ZNRF3: variants seen among roughly 807,000 people sequenced by gnomAD.
ZNRF3 encodes zinc and ring finger 3, also known as E3 ubiquitin-protein ligase ZNRF3.
In ZNRF3, 23 loss-of-function variants were observed where a neutral mutation model predicts 72.5. That is an observed-to-expected ratio of 0.32 (90% CI 0.23 to 0.45). ZNRF3 has a LOEUF of 0.45. ZNRF3 is among the 20% of genes least tolerant of loss of function. The pLI, the probability that ZNRF3 is intolerant of heterozygous loss-of-function variation, is 1.00. For missense variants in ZNRF3, 1,169 were observed against 1,272.1 expected (o/e 0.92, Z 1.23); for synonymous variants, 610 against 545.3 (o/e 1.12, Z -1.65).
chr22:28,937,216 T>TATATATATATATATATATA (rs1491324971), intron 1 of ZNRF3, among the ~76,000 whole-genome samples: 3 of 2,164 alleles, frequency 1.4e-3, no homozygotes, highest in African/African-American at 1.2e-3. Context: ...TATATATATA[T>TATATATATATATATATATA]TTTTTTTTTT....
At chr22:28,954,814 C>T (rs765691374) in intron 1 of ZNRF3, among the ~76,000 whole-genome samples, 4 of 151,972 alleles carry the variant, frequency 2.6e-5, no homozygotes, top group Admixed American at 6.6e-5. Context: ...AGGGTTTCAC[C>T]GTGTTGCCCA....
intron 1 of ZNRF3, among the ~76,000 whole-genome samples, chr22:28,980,851 AT>A (rs1195210878): frequency 6.6e-6 from 1 of 151,766 alleles, no homozygotes. Context: ...TGTCTATTTG[AT>A]TTTTTTCTTT....
chr22:29,035,374 G>C (rs2036848758), intron 2 of ZNRF3, among the ~76,000 whole-genome samples: 1 of 152,184 alleles, frequency 6.6e-6, no homozygotes, highest in Non-Finnish European at 1.5e-5. Flanking sequence ...AGAAAATATA[G>C]AAATCTGCTA....
Position 29,044,760 on chromosome 22 carries a change from G to T in ZNRF3, c.634-20G>T. On this transcript the variant is annotated intron_variant, in intron 4 of 8. Transcript: ENST00000544604. ...GGCTGGAGAGAGGCTGTGACTCACTGTGTCTGTGTTCCGTTCCAGCAACCC... is the reference window on the plus strand; with the variant it reads ...GGCTGGAGAGAGGCTGTGACTCACTTTGTCTGTGTTCCGTTCCAGCAACCC... 6.4e-7 allele frequency: 1 copy of T among 1,568,370 alleles called. No individual in the cohort carries two copies. Among genetic ancestry groups the T allele is most frequent in the African/African-American group, 1.4e-5 (1 of 74,072 alleles).
intron 1 of ZNRF3, among the ~76,000 whole-genome samples, chr22:28,885,900 TCTAA>T (rs1037744037): frequency 6.6e-6 from 1 of 151,232 alleles, no homozygotes; most frequent in African/African-American, 2.4e-5. Context: ...GAAGTGCTTA[TCTAA>T]CTCTTTTGTA....
At chr22:28,931,694 C>G (rs1468765916) in intron 1 of ZNRF3, among the ~76,000 whole-genome samples, 1 of 152,192 alleles carries the variant, frequency 6.6e-6, no homozygotes, top group African/African-American at 2.4e-5. Context: ...TCCATCTGTG[C>G]AACAATGCAA....
chr22:28,926,326 A>G (rs1337425330), intron 1 of ZNRF3, among the ~76,000 whole-genome samples: 2 of 152,034 alleles, frequency 1.3e-5, no homozygotes, highest in Non-Finnish European at 1.5e-5. Context: ...AAATCTCTAA[A>G]CAGTATTTTG....
intron 2 of ZNRF3, among the ~76,000 whole-genome samples, chr22:29,017,832 T>C (rs2036463358): frequency 6.6e-6 from 1 of 152,114 alleles, no homozygotes; most frequent in South Asian, 2.1e-4. Flanking sequence ...GGAGCTCACA[T>C]AGAGGCTACG....
intron 1 of ZNRF3, among the ~76,000 whole-genome samples, chr22:28,956,914 G>T (rs1411424935): frequency 1.3e-5 from 2 of 152,166 alleles, no homozygotes; most frequent in East Asian, 3.9e-4. Flanking sequence ...TAGCCACAGG[G>T]GTCTAAGCAG....
intron 2 of ZNRF3, among the ~76,000 whole-genome samples, chr22:29,028,765 C>T (rs947560585): frequency 2.0e-5 from 3 of 152,200 alleles, no homozygotes; most frequent in Non-Finnish European, 2.9e-5. Context: ...TGAAAGCACT[C>T]GGTGCCTTGC....
At chr22:28,959,825 T>G (rs1290977705) in intron 1 of ZNRF3, among the ~76,000 whole-genome samples, 3 of 152,138 alleles carry the variant, frequency 2.0e-5, no homozygotes. Flanking sequence ...TTTCTCCCCT[T>G]GTATGCACAA....
intron 2 of ZNRF3, among the ~76,000 whole-genome samples, chr22:28,994,223 G>A (rs554341696): frequency 2.6e-3 from 166 of 63,942 alleles, no homozygotes; most frequent in African/African-American, 0.01. Flanking sequence ...TTTCACTCTT[G>A]TTGCCCAGGC....
chr22:29,015,919 G>C (rs2036422287), intron 2 of ZNRF3, among the ~76,000 whole-genome samples: 1 of 151,312 alleles, frequency 6.6e-6, no homozygotes, highest in African/African-American at 2.4e-5. Flanking sequence ...AGGAGGCTGA[G>C]GAAGGAGAAT....
chr22:29,026,172 T>C (rs1428384935), intron 2 of ZNRF3: 1 of 152,218 alleles, frequency 6.6e-6, no homozygotes, highest in Non-Finnish European at 1.5e-5. Flanking sequence ...AAGGTGATTA[T>C]AGCACTTGTT....
chr22:28,889,135 T>A (rs1372410440), intron 1 of ZNRF3, among the ~76,000 whole-genome samples: 1 of 151,822 alleles, frequency 6.6e-6, no homozygotes, highest in Non-Finnish European at 1.5e-5. Context: ...GAAACCCAGG[T>A]CTGCCTGGGT....
chr22:28,926,261 A>G (rs551714683), intron 1 of ZNRF3, among the ~76,000 whole-genome samples: 27 of 152,368 alleles, frequency 1.8e-4, no homozygotes, highest in African/African-American at 6.0e-4. Context: ...GCTGCAGAGC[A>G]TGGAGCAAGC....
At chr22:28,934,665 A>G (rs2034787473) in intron 1 of ZNRF3, among the ~76,000 whole-genome samples, 2 of 151,930 alleles carry the variant, frequency 1.3e-5, no homozygotes, top group South Asian at 4.2e-4. Flanking sequence ...TAAAAGTACA[A>G]ATATTAGCCA....
Position 29,049,938 on chromosome 22 carries a change from TC to T in ZNRF3, c.1759del (p.Arg587AlafsTer79). 1 of 1,610,296 alleles carries T rather than the reference TC, an allele frequency of 6.2e-7. No individual in the cohort carries two copies. The highest frequency in any genetic ancestry group is 8.5e-7 in the Non-Finnish European group (1 of 1,178,790). Reference sequence around the variant, plus strand: ...GGCGTGTACGGGAGCTGCTCCACCTTCCGCAGCTCCCTCAGCAGCGACTATG... The same window carrying T: ...GGCGTGTACGGGAGCTGCTCCACCTTCGCAGCTCCCTCAGCAGCGACTATG... ...NQGVYGSCSTFRSSLSSDYDP... is the reference protein window; with the variant it reads ...NQGVYGSCSTXRSSLSSDYDP... On this transcript the variant is annotated frameshift_variant, in exon 8 of 9. Transcript: ENST00000544604. LOFTEE classifies it high-confidence loss of function. This position sits in a 1 kb window ranked among gnomAD's most constrained non-coding sequence, Gnocchi z 5.2.
At chr22:29,029,548 C>T (rs1039209267) in intron 2 of ZNRF3, among the ~76,000 whole-genome samples, 9 of 152,182 alleles carry the variant, frequency 5.9e-5, no homozygotes, top group East Asian at 1.9e-4. Flanking sequence ...TGCCAGAGGC[C>T]GTGTGCAATT....
Sources: gnomAD v4.1 joint callset for allele counts (sites outside exome capture counted in the v4.1 genomes callset) on GRCh38, gnomAD v4.1.1 for gene constraint, Gnocchi (gnomAD v3.1) non-coding constraint, MANE v1.5 for transcripts, NCBI Gene and HGNC (gene_info 2026-07-23, HGNC 2026-07-21) for gene names.